The following ALDH3A1 variants were observed in gnomAD, a reference collection of about 807,000 sequenced individuals.
ALDH3A1 encodes aldehyde dehydrogenase, dimeric NADP-preferring.
ALDH3A1 carries 46 observed loss-of-function variants against 49.9 expected under a neutral mutation model. The ratio of observed to expected loss-of-function variants is 0.92; its 90% CI spans 0.73 to 1.18. The LOEUF (loss-of-function observed/expected upper bound fraction) is 1.18, where lower values mean the gene tolerates loss of function less well. Among genes scored for constraint, ALDH3A1 ranks in the 50% most tolerant of loss-of-function variants. The probability of loss-of-function intolerance (pLI) is 0.00; values close to 1 mark genes in which losing one functional copy is unlikely to be tolerated. For synonymous variants in ALDH3A1, 269 were observed against 253.3 expected (o/e 1.06, Z -0.59); for missense variants, 592 against 611.8 (o/e 0.97, Z 0.34).
At chr17:19,742,983 C>G (rs1380160704) in intron 3 of ALDH3A1, 1 of 1,529,400 alleles carries the variant, frequency 6.5e-7, no homozygotes, top group Admixed American at 2.0e-5. Flanking sequence ...GACAGAAGCT[C>G]CAGCCCCCCA....
At position 19,743,040 on chromosome 17, in the gene ALDH3A1, C is replaced by T. The variant is rs1297667868; in HGVS notation, c.394+192G>A. On this transcript the variant is annotated intron_variant, in intron 3 of 10. Transcript: ENST00000225740. This position sits in a 1 kb window ranked among gnomAD's most constrained non-coding sequence, Gnocchi z 4.4. ...CCCTCTCTGTATCACCAGGTGTGGA[C>T]ACCTGAGCCTGACTGGACCTCAGGC... The T allele has an allele frequency of 6.5e-7, 1 of 1,532,764 alleles. No individual in the cohort carries two copies. Among genetic ancestry groups the T allele is most frequent in the East Asian group, 2.5e-5 (1 of 40,804 alleles). The allele number at this position is 1,532,764 out of a possible 1,614,324, so 94.9% of individuals were successfully genotyped here.
intron 2 of ALDH3A1, 171 bp downstream of exon 2, chr17:19,744,797 G>A (rs2086566757): frequency 2.9e-6 from 4 of 1,365,214 alleles, no homozygotes; most frequent in Non-Finnish European, 3.8e-6. Flanking sequence ...CGGCGGGGGC[G>A]CGCGGGGCGC....
chr17:19,745,433 G>A, intron 1 of ALDH3A1: 1 of 378,638 alleles, frequency 2.6e-6, no homozygotes, highest in Non-Finnish European at 4.8e-6. Flanking sequence ...GGCCTTTTCC[G>A]CTCCCTTACT....
chr17:19,739,369 C>CA, intron 8 of ALDH3A1, 139 bp downstream of exon 8: 1 of 1,075,940 alleles, frequency 9.3e-7, no homozygotes, highest in Non-Finnish European at 1.3e-6. Context: ...CCTGATCTTA[C>CA]AGACGAGGTG....
chr17:19,744,919 C>CCCA, intron 2 of ALDH3A1, 49 bp downstream of exon 2: 10 of 1,385,316 alleles, frequency 7.2e-6, no homozygotes, highest in East Asian at 3.2e-5. Context: ...CCCCACGCCC[C>CCCA]ATCGCATGGC....
chr17:19,742,423 C>A (rs2086513215), intron 4 of ALDH3A1, 122 bp downstream of exon 4: 1 of 1,240,884 alleles, frequency 8.1e-7, no homozygotes, highest in Non-Finnish European at 1.1e-6. Flanking sequence ...TAAGAACAAT[C>A]CTCAGCCCCA....
intron 9 of ALDH3A1, 45 bp downstream of exon 9, chr17:19,738,951 G>A (rs1264801187): frequency 2.6e-6 from 4 of 1,547,070 alleles, no homozygotes; most frequent in Middle Eastern, 3.4e-4. Context: ...AGTGTGCCCA[G>A]CCCTGGGGCC....
intron 2 of ALDH3A1, 62 bp downstream of exon 2, chr17:19,744,900 AGCCCCT>A: frequency 3.0e-5 from 8 of 270,616 alleles, no homozygotes; most frequent in Non-Finnish European, 3.7e-5. Context: ...CACTCTCCCC[AGCCCCT>A]CCCCCCACGC....
chr17:19,744,916 C>CCCCCCCCCCCCCCCCCCCCCCCCCCA, intron 2 of ALDH3A1, 52 bp downstream of exon 2: 1 of 1,345,114 alleles, frequency 7.4e-7, no homozygotes. Context: ...TCCCCCCACG[C>CCCCCCCCCCCCCCCCCCCCCCCCCCA]CCCATCGCAT....
At position 19,746,830 on chromosome 17, in the gene ALDH3A1, G is replaced by T. The variant is rs1388989231; in HGVS notation, c.-6+1429C>A. 2.0e-5 allele frequency among the ~76,000 whole-genome samples: 3 copies of T among 152,206 alleles called. No individual in the cohort carries two copies. The East Asian group carries it at 5.8e-4, about 29-fold the overall frequency. The stretch of plus-strand genomic sequence containing the variant: ...GACAACTGATGGGGGTGGAATTATT[G>T]ATGATCTGTTTTCCTCTTATGCAAT... On this transcript the variant is annotated intron_variant, in intron 1 of 10. Coordinates refer to ENST00000225740, the MANE Select transcript of ALDH3A1 (RefSeq NM_000691.5).
Position 19,744,414 on chromosome 17 carries a change from T to A in ALDH3A1, c.162+554A>T. The A allele has an allele frequency of 2.0e-6, 2 of 981,762 alleles. 1 individual carries two copies. The highest frequency in any genetic ancestry group is 9.4e-5 in the South Asian group (2 of 21,204). The allele number at this position is 981,762 out of a possible 1,614,324, so 60.8% of individuals were successfully genotyped here. ...CGAGACTCTGTCTCAAATAAATAAA[T>A]AAAATAAAATAAAAATAAAAGTGCA... is the stretch of plus-strand genomic sequence containing the variant. On this transcript the variant is annotated intron_variant, in intron 2 of 10. Transcript: ENST00000225740.
chr17:19,741,307 G>A, intron 5 of ALDH3A1, 97 bp from the exon 6 acceptor site: 4 of 1,071,768 alleles, frequency 3.7e-6, no homozygotes, highest in Non-Finnish European at 2.8e-6. Context: ...AGAAGCCATC[G>A]GCTGTGACCT....
Position 19,738,407 on chromosome 17 carries a change from AGT to A in ALDH3A1, c.1261_1262del (p.Thr421PhefsTer15). ...GSYHGKKSFE[T>X]FSHRRSCLVR... ...CCAGGCAAGAGCGGCGGTGAGAGAA[AGT>A]CTCGAAGCTCTTCTTGCCATGGTAG... is the stretch of plus-strand genomic sequence containing the variant. On this transcript the variant is annotated frameshift_variant, in exon 10 of 11. Transcript: ENST00000225740. LOFTEE classifies it high-confidence loss of function. The A allele has an allele frequency of 2.5e-6, 4 of 1,613,712 alleles. No individual in the cohort carries two copies. The highest frequency in any genetic ancestry group is 3.4e-6 in the Non-Finnish European group (4 of 1,179,768).
chr17:19,747,902 A>G (rs1306666795), intron 1 of ALDH3A1: 2 of 165,820 alleles, frequency 1.2e-5, no homozygotes, highest in African/African-American at 4.8e-5. Context: ...CTGATCTCAC[A>G]GTTAGCAGGT....
chr17:19,739,376 G>A, intron 8 of ALDH3A1, 132 bp downstream of exon 8: 1 of 1,119,462 alleles, frequency 8.9e-7, no homozygotes, highest in Non-Finnish European at 1.3e-6. Flanking sequence ...TTACAGACGA[G>A]GTGAAAGGAG....
chr17:19,741,498 T>C, intron 5 of ALDH3A1: 1 of 390,984 alleles, frequency 2.6e-6, no homozygotes, highest in Non-Finnish European at 4.7e-6. Context: ...TCACTGCTAC[T>C]CGGGCCCCCC....
chr17:19,745,424 G>A, intron 1 of ALDH3A1: 1 of 401,982 alleles, frequency 2.5e-6, no homozygotes. Flanking sequence ...GCCTTTCCCG[G>A]CCTTTTCCGC....
Position 19,748,259 on chromosome 17 carries a change from C to G in ALDH3A1, c.-6G>C. 2.0e-6 allele frequency: 1 copy of G among 505,370 alleles called. No homozygotes were observed. Among genetic ancestry groups the G allele is most frequent in the Non-Finnish European group, 4.0e-6 (1 of 252,632 alleles). The allele number at this position is 505,370 out of a possible 1,614,324, so 31.3% of individuals were successfully genotyped here. ...TAAGGAATGCAGGGAAGAGGATTAC[C>G]TTTGACACAGCCTCTCCCGGTAACT... On this transcript the variant is annotated splice_region_variant and 5_prime_UTR_variant, in exon 1 of 11. Transcript: ENST00000225740. The surrounding 1 kb of genome is among the most constrained non-coding windows in gnomAD (Gnocchi z 4.4).
chr17:19,747,694 C>T (rs373237813), intron 1 of ALDH3A1, among the ~76,000 whole-genome samples: 4 of 152,248 alleles, frequency 2.6e-5, no homozygotes, highest in African/African-American at 7.2e-5. Flanking sequence ...CAGAGCCCGT[C>T]GCCTCACACC....
Sources: gnomAD v4.1 joint callset for allele counts (sites outside exome capture counted in the v4.1 genomes callset) on GRCh38, gnomAD v4.1.1 for gene constraint, Gnocchi (gnomAD v3.1) non-coding constraint, MANE v1.5 for transcripts, NCBI Gene and HGNC (gene_info 2026-07-23, HGNC 2026-07-21) for gene names.